The following STXBP5L variants were observed in gnomAD, a reference collection of about 807,000 sequenced individuals.
STXBP5L encodes syntaxin-binding protein 5-like.
In STXBP5L, 65 loss-of-function variants were observed where a neutral mutation model predicts 144.5. The observed-to-expected ratio is 0.45, with a 90% CI of 0.37 to 0.55. The LOEUF (loss-of-function observed/expected upper bound fraction) is 0.55. Among genes scored for constraint, STXBP5L ranks in the 20% least tolerant of loss-of-function variants. The pLI is 0.00. For missense variants in STXBP5L, 1,298 were observed against 1,405.5 expected, an observed-to-expected ratio of 0.92 and a Z score of 1.22; for synonymous variants, 505 against 469.6, an observed-to-expected ratio of 1.08 and a Z score of -0.97.
chr3:120,988,432 C>G (rs1279280529), intron 3 of STXBP5L, among the ~76,000 whole-genome samples: 2 of 151,784 alleles, frequency 1.3e-5, no homozygotes, highest in African/African-American at 4.8e-5. Context: ...TTATTGATTT[C>G]TAGTTTAATT....
chr3:121,329,770 G>A (rs184363513), intron 20 of STXBP5L, among the ~76,000 whole-genome samples: 4 of 152,240 alleles, frequency 2.6e-5, no homozygotes, highest in African/African-American at 9.6e-5. Flanking sequence ...TGAGGCAGGA[G>A]AATTGCTTGA....
At chr3:121,027,105 A>G (rs902092048) in intron 3 of STXBP5L, among the ~76,000 whole-genome samples, 1 of 151,908 alleles carries the variant, frequency 6.6e-6, no homozygotes, top group Non-Finnish European at 1.5e-5. Flanking sequence ...ATATGTATAT[A>G]TATATGTGTT....
chr3:121,001,990 G>T (rs1205761153), intron 3 of STXBP5L, among the ~76,000 whole-genome samples: 1 of 152,024 alleles, frequency 6.6e-6, no homozygotes, highest in Admixed American at 6.6e-5. Context: ...TCATATTATG[G>T]CTATAATGAA....
At chr3:121,016,134 T>C (rs1318332888) in intron 3 of STXBP5L, among the ~76,000 whole-genome samples, 5 of 152,150 alleles carry the variant, frequency 3.3e-5, no homozygotes, top group African/African-American at 1.2e-4. Flanking sequence ...ACGTAAATAC[T>C]CTAAAGGTCA....
intron 9 of STXBP5L, among the ~76,000 whole-genome samples, chr3:121,178,537 T>C (rs1305559839): frequency 6.6e-6 from 1 of 152,168 alleles, no homozygotes; most frequent in Non-Finnish European, 1.5e-5. Flanking sequence ...TAAATGATCT[T>C]CTACTGGTTT....
chr3:121,187,612 A>G (rs13078107), intron 9 of STXBP5L, among the ~76,000 whole-genome samples: 28 of 149,784 alleles, frequency 1.9e-4, no homozygotes, highest in Middle Eastern at 3.4e-3. Context: ...AAAAAAAAAG[A>G]AAAAAAATAA....
At chr3:120,924,414 A>C (rs1276153497) in intron 2 of STXBP5L, among the ~76,000 whole-genome samples, 1 of 152,202 alleles carries the variant, frequency 6.6e-6, no homozygotes, top group African/African-American at 2.4e-5. Flanking sequence ...ATCTACATTA[A>C]TGAAAAACAA....
intron 5 of STXBP5L, among the ~76,000 whole-genome samples, chr3:121,059,142 T>C (rs1322868955): frequency 6.6e-6 from 1 of 152,248 alleles, no homozygotes; most frequent in East Asian, 1.9e-4. Flanking sequence ...CTTGAGTTAA[T>C]CTTTGTATAA....
At chr3:120,923,758 A>G (rs1559875906) in intron 2 of STXBP5L, among the ~76,000 whole-genome samples, 2 of 152,082 alleles carry the variant, frequency 1.3e-5, no homozygotes. Flanking sequence ...GGCCTGAGAT[A>G]TGGTCTATTC....
chr3:121,369,305 G>C (rs182069622), intron 20 of STXBP5L, among the ~76,000 whole-genome samples: 1 of 150,234 alleles, frequency 6.7e-6, no homozygotes, highest in Non-Finnish European at 1.5e-5. Context: ...GAGTGTTCTG[G>C]TGCTTCCTAT....
chr3:120,923,504 C>G (rs1466616929), intron 2 of STXBP5L, among the ~76,000 whole-genome samples: 4 of 151,884 alleles, frequency 2.6e-5, no homozygotes, highest in African/African-American at 9.7e-5. Context: ...ACTGCTTTTG[C>G]TGTATCTCAT....
At chr3:121,082,466 C>G (rs1203401429) in intron 5 of STXBP5L, among the ~76,000 whole-genome samples, 4 of 152,150 alleles carry the variant, frequency 2.6e-5, no homozygotes, top group Non-Finnish European at 5.9e-5. Context: ...GCTGAACTCA[C>G]TAGTAAGTTT....
At chr3:121,401,661 G>T (rs1291305822) in intron 22 of STXBP5L, among the ~76,000 whole-genome samples, 4 of 115,902 alleles carry the variant, frequency 3.5e-5, no homozygotes, top group East Asian at 4.9e-4. Flanking sequence ...ACCAAACACC[G>T]CATATTCTCA....
At chr3:121,276,496 TTCTG>T (rs1237076180) in intron 18 of STXBP5L, among the ~76,000 whole-genome samples, 2 of 152,026 alleles carry the variant, frequency 1.3e-5, no homozygotes, top group African/African-American at 2.4e-5. Flanking sequence ...AATCATTTTT[TTCTG>T]TCTAAGATTT....
intron 3 of STXBP5L, among the ~76,000 whole-genome samples, chr3:121,036,497 G>T (rs144703006): frequency 6.6e-6 from 1 of 151,948 alleles, no homozygotes; most frequent in Non-Finnish European, 1.5e-5. Context: ...GCACTTGATA[G>T]TACTTCTAGT....
intron 26 of STXBP5L, 77 bp from the exon 27 acceptor site, chr3:121,418,979 T>C: frequency 6.9e-7 from 1 of 1,446,616 alleles, no homozygotes; most frequent in Non-Finnish European, 9.4e-7. Flanking sequence ...TTTGCATGAT[T>C]AGCTCAAAAT....
intron 3 of STXBP5L, among the ~76,000 whole-genome samples, chr3:120,957,035 A>T (rs1938112730): frequency 3.3e-5 from 5 of 151,962 alleles, no homozygotes; most frequent in Admixed American, 6.6e-5. Flanking sequence ...ACTATTTGGC[A>T]TGTGGATATC....
chr3:121,263,164 A>G (rs1034666393), intron 18 of STXBP5L, among the ~76,000 whole-genome samples: 4 of 152,184 alleles, frequency 2.6e-5, no homozygotes, highest in Non-Finnish European at 5.9e-5. Context: ...CACTAGTGAT[A>G]CCCAGGCAAA....
intron 19 of STXBP5L, 47 bp from the exon 20 acceptor site, chr3:121,318,428 C>A (rs1407502320): frequency 2.7e-6 from 4 of 1,463,948 alleles, no homozygotes; most frequent in Non-Finnish European, 3.7e-6. Context: ...GAATAACCTA[C>A]AAAATGCTAG....
Sources: allele counts gnomAD v4.1 joint callset (sites outside exome capture counted in the v4.1 genomes callset), GRCh38; gene constraint gnomAD v4.1.1; transcripts MANE v1.5; gene names NCBI Gene and HGNC (gene_info 2026-07-23, HGNC 2026-07-21).